The following SMAD2 variants were observed in gnomAD, a reference collection of about 807,000 sequenced individuals.
SMAD2 encodes MAD homolog 2.
A neutral mutation model predicts 64.4 loss-of-function variants in SMAD2; 8 were observed. That is an observed-to-expected ratio of 0.12 (90% CI 0.07 to 0.22). SMAD2 has a LOEUF of 0.22. Among genes scored for constraint, SMAD2 ranks in the 10% least tolerant of loss-of-function variants. The pLI is 1.00. For missense variants in SMAD2, 289 were observed against 561.2 expected, an observed-to-expected ratio of 0.51 and a Z score of 4.90; for synonymous variants, 203 against 195.8, an observed-to-expected ratio of 1.04 and a Z score of -0.31.
rs904001441 is a variant in SMAD2 at position 47,813,951 on chromosome 18, G to A, written c.*27876C>T. 6.6e-6 allele frequency: 1 copy of A among 152,148 alleles called. No individual in the cohort carries two copies. Among genetic ancestry groups the A allele is most frequent in the South Asian group, 2.1e-4 (1 of 4,820 alleles). 9.4% of individuals were successfully genotyped at this position (152,148 alleles called of 1,614,324 possible). ...ATAAACAAATTACAAAGGGAGTGATGAGAAGAGGCAATGAAGTTTGGGGAG... is the reference window on the plus strand; with the variant it reads ...ATAAACAAATTACAAAGGGAGTGATAAGAAGAGGCAATGAAGTTTGGGGAG... On this transcript the variant is annotated 3_prime_UTR_variant, in exon 11 of 11. Coordinates refer to ENST00000262160, the MANE Select transcript of SMAD2 (RefSeq NM_005901.6).
In SMAD2 at chr18:47,838,218, A is replaced by G. The variant is rs1345371411; in HGVS notation, c.*3609T>C. On this transcript the variant is annotated 3_prime_UTR_variant, in exon 11 of 11. Transcript: ENST00000262160. ...ATTTTAACAAAAGGGAAAGCATTTGACAGTGTTTAAAAGACAGACAAATCA... is the reference window on the plus strand; with the variant it reads ...ATTTTAACAAAAGGGAAAGCATTTGGCAGTGTTTAAAAGACAGACAAATCA... The G allele has an allele frequency of 4.3e-6, 1 of 233,208 alleles. No individual in the cohort carries two copies. Among genetic ancestry groups the G allele is most frequent in the Non-Finnish European group, 8.5e-6 (1 of 117,870 alleles). The allele number at this position is 233,208 out of a possible 1,614,324, so 14.4% of individuals were successfully genotyped here. A position where few individuals can be genotyped will look rare whatever the true frequency, so the allele number is the denominator to read the frequency against.
In SMAD2 at chr18:47,836,637, ATTAT is replaced by A. The variant is rs199792610; in HGVS notation, c.*5186_*5189del. ...TGTATATATAAATTCATACACATATATTATTTATTTCCTTCTTAAAAAGACTGAG... is the reference window on the plus strand; with the variant it reads ...TGTATATATAAATTCATACACATATATTATTTCCTTCTTAAAAAGACTGAG... On this transcript the variant is annotated 3_prime_UTR_variant, in exon 11 of 11. Transcript: ENST00000262160. The A allele has an allele frequency of 5.8e-3, 1,243 of 214,814 alleles. 9 individuals are homozygous for A. Among genetic ancestry groups the A allele is most frequent in the African/African-American group, 0.026 (1,139 of 44,382 alleles). The allele number at this position is 214,814 out of a possible 1,614,324, so 13.3% of individuals were successfully genotyped here. A position where few individuals can be genotyped will look rare whatever the true frequency, so the allele number is the denominator to read the frequency against.
intron 1 of SMAD2, among the ~76,000 whole-genome samples, chr18:47,912,667 A>G: frequency 6.6e-6 from 1 of 152,146 alleles, no homozygotes; most frequent in East Asian, 1.9e-4. Context: ...TTCCAGCTCC[A>G]CAATTATATC....
At chr18:47,921,205 T>C (rs1439450510) in intron 1 of SMAD2, among the ~76,000 whole-genome samples, 1 of 151,998 alleles carries the variant, frequency 6.6e-6, no homozygotes, top group Non-Finnish European at 1.5e-5. Context: ...TACAACCCAC[T>C]ACTCCAAAAA....
intron 5 of SMAD2, 158 bp downstream of exon 5, chr18:47,868,157 CTAGGCTTA>C: frequency 1.5e-6 from 1 of 647,304 alleles, no homozygotes; most frequent in South Asian, 1.8e-5. Context: ...GTTTAATGTA[CTAGGCTTA>C]TACATTTCAC....
chr18:47,825,987 TC>T lies in SMAD2; in HGVS notation c.*15839del, dbSNP rs1221837218. ...ATGTTCACATTAAGAGAAAACGGTT[TC>T]CCTGAATTGAGTGATTCTTTCTACT... On this transcript the variant is annotated 3_prime_UTR_variant, in exon 11 of 11. Coordinates refer to ENST00000262160, the MANE Select transcript of SMAD2 (RefSeq NM_005901.6). 1 of 152,176 alleles carries T rather than the reference TC, an allele frequency of 6.6e-6. No individual in the cohort carries two copies. Among genetic ancestry groups the T allele is most frequent in the Non-Finnish European group, 1.5e-5 (1 of 68,042 alleles). The allele number at this position is 152,176 out of a possible 1,614,324, so 9.4% of individuals were successfully genotyped here.
intron 1 of SMAD2, among the ~76,000 whole-genome samples, chr18:47,924,065 A>C (rs1027815733): frequency 1.3e-5 from 2 of 152,054 alleles, no homozygotes; most frequent in African/African-American, 2.4e-5. Context: ...CCTGACCAAC[A>C]TGGTGAAACC....
At chr18:47,889,813 A>G (rs982698855) in intron 2 of SMAD2, among the ~76,000 whole-genome samples, 1 of 151,830 alleles carries the variant, frequency 6.6e-6, no homozygotes, top group African/African-American at 2.4e-5. Flanking sequence ...GGATGTTGGG[A>G]AAACAAAAGA....
intron 1 of SMAD2, among the ~76,000 whole-genome samples, chr18:47,925,979 A>G (rs2034746281): frequency 6.6e-6 from 1 of 152,204 alleles, no homozygotes; most frequent in Non-Finnish European, 1.5e-5. Context: ...ACACAGTGAA[A>G]AGCATACACT....
rs1913264443 is a variant in SMAD2, at chr18:47,834,852, C to T, written c.*6975G>A. On this transcript the variant is annotated 3_prime_UTR_variant, in exon 11 of 11. Transcript: ENST00000262160. ...TCTTTCTTTTTTAGGTGAAAATATT[C>T]TATGCCAACTGTTTTCCACAGTCCT... 4.5e-6 allele frequency: 1 copy of T among 219,968 alleles called. No individual in the cohort carries two copies. The highest frequency in any genetic ancestry group is 2.2e-5 in the African/African-American group (1 of 44,578). 13.6% of individuals were successfully genotyped at this position (219,968 alleles called of 1,614,324 possible).
chr18:47,864,813 T>A (rs571173743), intron 6 of SMAD2, among the ~76,000 whole-genome samples: 2 of 152,248 alleles, frequency 1.3e-5, no homozygotes, highest in African/African-American at 4.8e-5. Flanking sequence ...ATGTGCATGT[T>A]TTCAAATTTT....
At chr18:47,882,387 G>C (rs1411394211) in intron 2 of SMAD2, 1 of 149,670 alleles carries the variant, frequency 6.7e-6, no homozygotes, top group Non-Finnish European at 1.5e-5. Context: ...TATAGAAATG[G>C]GGTCTTGCTT....
chr18:47,841,157 C>CAAAA lies in SMAD2; in HGVS notation c.*666_*669dup, dbSNP rs767933446. 4.2e-5 allele frequency: 7 copies of CAAAA among 165,712 alleles called. No individual in the cohort carries two copies. The highest frequency in any genetic ancestry group is 2.5e-4 in the African/African-American group (7 of 27,726). 10.3% of individuals were successfully genotyped at this position (165,712 alleles called of 1,614,324 possible). A position where few individuals can be genotyped will look rare whatever the true frequency, so the allele number is the denominator to read the frequency against. On this transcript the variant is annotated 3_prime_UTR_variant, in exon 11 of 11. Transcript: ENST00000262160. The stretch of plus-strand genomic sequence containing the variant: ...AAGATTTAGCAGTTAAAAAAAAAAA[C>CAAAA]AAAAAAAAACAAAAAACCACAAAAA...
intron 1 of SMAD2, among the ~76,000 whole-genome samples, chr18:47,914,376 G>A: frequency 6.6e-6 from 1 of 152,148 alleles, no homozygotes; most frequent in South Asian, 2.1e-4. Flanking sequence ...TTAAGCCTAA[G>A]AGTCCAGTAA....
At chr18:47,863,901 A>T (rs1046306076) in intron 6 of SMAD2, among the ~76,000 whole-genome samples, 34 of 152,090 alleles carry the variant, frequency 2.2e-4, no homozygotes, top group African/African-American at 7.5e-4. Flanking sequence ...CTAGCGATAT[A>T]TGAGGACTCC....
At chr18:47,870,412 T>G in intron 3 of SMAD2, 63 bp downstream of exon 3, 2 of 1,175,388 alleles carry the variant, frequency 1.7e-6, no homozygotes, top group South Asian at 2.4e-5. Flanking sequence ...CCCATATAGG[T>G]CTTTCAAAAT....
In SMAD2 at chr18:47,836,679, T is replaced by C. The variant is rs1913443949; in HGVS notation, c.*5148A>G. 1 of 217,538 alleles carries C rather than the reference T, an allele frequency of 4.6e-6. No homozygotes were observed. The highest frequency in any genetic ancestry group is 9.2e-6 in the Non-Finnish European group (1 of 108,232). The allele number at this position is 217,538 out of a possible 1,614,324, so 13.5% of individuals were successfully genotyped here. ...TAAAAAGACTGAGGCAGTTCTGCTA[T>C]ATATAGTTAGCTACAATATTCAAGA... On this transcript the variant is annotated 3_prime_UTR_variant, in exon 11 of 11. Coordinates refer to ENST00000262160, the MANE Select transcript of SMAD2 (RefSeq NM_005901.6).
chr18:47,824,707 T>C lies in SMAD2; in HGVS notation c.*17120A>G, dbSNP rs1336274479. ...CTTCCAAACACACTAAAGTACAGTATACTCAATTTTAAATATAGACAGTAT... is the reference window on the plus strand; with the variant it reads ...CTTCCAAACACACTAAAGTACAGTACACTCAATTTTAAATATAGACAGTAT... On this transcript the variant is annotated 3_prime_UTR_variant, in exon 11 of 11. Transcript: ENST00000262160. 6.6e-6 allele frequency: 1 copy of C among 152,188 alleles called. No homozygotes were observed. Among genetic ancestry groups the C allele is most frequent in the African/African-American group, 2.4e-5 (1 of 41,440 alleles). 9.4% of individuals were successfully genotyped at this position (152,188 alleles called of 1,614,324 possible). A position where few individuals can be genotyped will look rare whatever the true frequency, so the allele number is the denominator to read the frequency against.
chr18:47,868,147 G>GT, intron 5 of SMAD2, 176 bp downstream of exon 5: 1 of 611,208 alleles, frequency 1.6e-6, no homozygotes, highest in Non-Finnish European at 2.9e-6. Flanking sequence ...AAACAAAACT[G>GT]TTTAATGTAC....
Sources: gnomAD v4.1 joint callset for allele counts (sites outside exome capture counted in the v4.1 genomes callset) on GRCh38, gnomAD v4.1.1 for gene constraint, MANE v1.5 for transcripts, NCBI Gene and HGNC (gene_info 2026-07-23, HGNC 2026-07-21) for gene names.